Variants in SLC36A1 observed in about 807,000 individuals in gnomAD.
SLC36A1 encodes solute carrier family 36 member 1, also known as proton-coupled amino acid transporter 1.
SLC36A1 carries 30 observed loss-of-function variants against 47.5 expected under a neutral mutation model. The ratio of observed to expected loss-of-function variants is 0.63; its 90% CI spans 0.47 to 0.86. The LOEUF is 0.86. Ranked by LOEUF, SLC36A1 falls within the 40% of genes least tolerant of loss-of-function variation. The pLI is 0.00. For synonymous variants in SLC36A1, 255 were observed against 249.7 expected (o/e 1.02, Z -0.20); for missense variants, 517 against 606.0 (o/e 0.85, Z 1.54).
chr5:151,539,801 C>T, the SLC36A1 span, among the ~76,000 whole-genome samples: 1 of 152,232 alleles, frequency 6.6e-6, no homozygotes, highest in Non-Finnish European at 1.5e-5. Flanking sequence ...GACAAACACA[C>T]ATACACACCC....
chr5:151,381,956 C>A, the SLC36A1 span: 1 of 480,306 alleles, frequency 2.1e-6, no homozygotes, highest in South Asian at 3.1e-5. Flanking sequence ...TCTAGGCAGT[C>A]AGCAAGGTGA....
chr5:151,479,865 G>C, intron 10 of SLC36A1: 1 of 523,056 alleles, frequency 1.9e-6, no homozygotes, highest in Non-Finnish European at 3.3e-6. Flanking sequence ...GTACTTATTT[G>C]CTTTTTCAAA....
the SLC36A1 span, among the ~76,000 whole-genome samples, chr5:151,346,433 A>G: frequency 2.0e-5 from 3 of 151,900 alleles, no homozygotes; most frequent in African/African-American, 7.3e-5. Context: ...TTTTGTTTCC[A>G]TGCACCCTCC....
chr5:151,472,528 T>C (rs1212940447), intron 7 of SLC36A1, among the ~76,000 whole-genome samples: 1 of 152,224 alleles, frequency 6.6e-6, no homozygotes, highest in Non-Finnish European at 1.5e-5. Flanking sequence ...AACCTTAACA[T>C]TGTACCTGCA....
the SLC36A1 span, among the ~76,000 whole-genome samples, chr5:151,369,630 A>C: frequency 6.6e-6 from 1 of 152,094 alleles, no homozygotes; most frequent in Non-Finnish European, 1.5e-5. Context: ...GCAGGCACAC[A>C]CCACTATGAC....
chr5:151,391,149 T>C, the SLC36A1 span, among the ~76,000 whole-genome samples: 1 of 152,118 alleles, frequency 6.6e-6, no homozygotes, highest in Non-Finnish European at 1.5e-5. Context: ...GATTCCTAGG[T>C]ATTTTATTCT....
At chr5:151,495,813 AT>A (rs1239434341), downstream of SLC36A1, among the ~76,000 whole-genome samples, 9 of 152,192 alleles carry the variant, frequency 5.9e-5, no homozygotes, top group African/African-American at 1.9e-4. Context: ...TTCACTCAGT[AT>A]AATTTCCTTG....
the SLC36A1 span, among the ~76,000 whole-genome samples, chr5:151,383,853 G>T: frequency 6.6e-6 from 1 of 152,122 alleles, no homozygotes; most frequent in Non-Finnish European, 1.5e-5. Flanking sequence ...GATTACAGGC[G>T]TGAGCCACCG....
At chr5:151,392,244 G>A in the SLC36A1 span, among the ~76,000 whole-genome samples, 1 of 152,134 alleles carries the variant, frequency 6.6e-6, no homozygotes, top group East Asian at 1.9e-4. Flanking sequence ...GATTGGTGGT[G>A]ATATCCCCTT....
At chr5:151,358,849 C>T in the SLC36A1 span, among the ~76,000 whole-genome samples, 16 of 151,368 alleles carry the variant, frequency 1.1e-4, no homozygotes, top group Admixed American at 2.6e-4. Flanking sequence ...TGGCGGGTGC[C>T]TGTAGTCCCA....
At chr5:151,444,965 C>CT (rs1313409739), upstream of SLC36A1, among the ~76,000 whole-genome samples, 2 of 152,002 alleles carry the variant, frequency 1.3e-5, no homozygotes, top group Non-Finnish European at 2.9e-5. Flanking sequence ...ATTGCTCTTG[C>CT]TAGTACTTCC....
At chr5:151,553,381 C>T in the SLC36A1 span, 14 of 1,613,968 alleles carry the variant, frequency 8.7e-6, no homozygotes, top group Non-Finnish European at 1.2e-5. Context: ...CTGTCTGTTG[C>T]CTTGATCTGA....
chr5:151,384,250 G>T, the SLC36A1 span, among the ~76,000 whole-genome samples: 1 of 152,000 alleles, frequency 6.6e-6, no homozygotes, highest in Non-Finnish European at 1.5e-5. Context: ...CTCCTTTCCG[G>T]GTGTTGGCTC....
the SLC36A1 span, among the ~76,000 whole-genome samples, chr5:151,523,571 C>T: frequency 3.3e-5 from 5 of 152,136 alleles, no homozygotes; most frequent in East Asian, 1.9e-4. Flanking sequence ...AGTGGAAGTA[C>T]GGGACCAATG....
the SLC36A1 span, among the ~76,000 whole-genome samples, chr5:151,415,350 A>G: frequency 1.3e-4 from 19 of 151,772 alleles, no homozygotes; most frequent in African/African-American, 4.6e-4. Flanking sequence ...GAGTGGTTCG[A>G]CTCCTGCTGA....
chr5:151,481,559 T>C (rs764405876), intron 10 of SLC36A1, among the ~76,000 whole-genome samples: 2 of 152,222 alleles, frequency 1.3e-5, no homozygotes, highest in Non-Finnish European at 2.9e-5. Flanking sequence ...TTACTATTTC[T>C]GGTGTTTTCC....
the SLC36A1 span, among the ~76,000 whole-genome samples, chr5:151,363,481 G>A: frequency 2.0e-5 from 3 of 152,004 alleles, no homozygotes; most frequent in Non-Finnish European, 4.4e-5. Context: ...GGATATCACT[G>A]GTGATACTCT....
intron 8 of SLC36A1, among the ~76,000 whole-genome samples, chr5:151,475,422 C>A (rs1381546670): frequency 6.6e-6 from 1 of 152,168 alleles, no homozygotes; most frequent in Non-Finnish European, 1.5e-5. Flanking sequence ...TATTTTTTTA[C>A]AATAGAGAGA....
chr5:151,381,692 A>T, the SLC36A1 span, among the ~76,000 whole-genome samples: 1 of 151,974 alleles, frequency 6.6e-6, no homozygotes, highest in Non-Finnish European at 1.5e-5. Flanking sequence ...GGCTTGTCTG[A>T]TCTTGTGGCC....
Sources: allele counts gnomAD v4.1 joint callset (sites outside exome capture counted in the v4.1 genomes callset), GRCh38; gene constraint gnomAD v4.1.1; transcripts MANE v1.5; gene names NCBI Gene and HGNC (gene_info 2026-07-23, HGNC 2026-07-21).